Variants in CAMK2D observed in about 807,000 individuals in gnomAD.
CAMK2D encodes the protein calcium/calmodulin-dependent protein kinase type II subunit delta.
In CAMK2D, 37 loss-of-function variants were observed where a neutral mutation model predicts 84.0. The observed-to-expected ratio is 0.44, with a 90% CI of 0.34 to 0.58. CAMK2D has a LOEUF of 0.58. Among genes scored for constraint, CAMK2D ranks in the 20% least tolerant of loss-of-function variants. The pLI, the probability that CAMK2D is intolerant of heterozygous loss-of-function variation, is 0.02. For missense variants in CAMK2D, 448 were observed against 652.5 expected (o/e 0.69, Z 3.41); for synonymous variants, 202 against 212.5 (o/e 0.95, Z 0.43).
intron 2 of CAMK2D, among the ~76,000 whole-genome samples, chr4:113,730,813 C>T (rs2099566154): frequency 6.6e-6 from 1 of 152,190 alleles, no homozygotes; most frequent in African/African-American, 2.4e-5. Context: ...AGAGTGAATA[C>T]CTGACTTGAC....
intron 2 of CAMK2D, among the ~76,000 whole-genome samples, chr4:113,692,348 G>C (rs1224499383): frequency 6.6e-6 from 1 of 152,008 alleles, no homozygotes; most frequent in Non-Finnish European, 1.5e-5. Flanking sequence ...TGAAAATTTT[G>C]AGTAATATTA....
intron 3 of CAMK2D, among the ~76,000 whole-genome samples, chr4:113,622,034 C>T (rs541760531): frequency 8.6e-5 from 13 of 151,946 alleles, no homozygotes; most frequent in Non-Finnish European, 4.4e-5. Context: ...TCTGATTTTT[C>T]TTTTTTTTCA....
At chr4:113,496,817 GCAT>G (rs33988053) in intron 16 of CAMK2D, among the ~76,000 whole-genome samples, 89,934 of 151,618 alleles carry the variant, frequency 0.59, 28,457 homozygotes, top group African/African-American at 0.82. Context: ...TCCTGACATA[GCAT>G]CATCAGAGAT....
At chr4:113,712,273 T>C (rs193073719) in intron 2 of CAMK2D, among the ~76,000 whole-genome samples, 8 of 152,240 alleles carry the variant, frequency 5.3e-5, no homozygotes, top group African/African-American at 1.7e-4. Context: ...CTCAAAAATG[T>C]GTCCAAGAAT....
At chr4:113,670,798 G>A (rs1475388323) in intron 2 of CAMK2D, among the ~76,000 whole-genome samples, 1 of 151,910 alleles carries the variant, frequency 6.6e-6, no homozygotes, top group Non-Finnish European at 1.5e-5. Context: ...CACAGTGGTG[G>A]GCGCCTGTTG....
intron 2 of CAMK2D, among the ~76,000 whole-genome samples, chr4:113,681,950 G>C (rs2099347200): frequency 6.6e-6 from 1 of 151,754 alleles, no homozygotes; most frequent in African/African-American, 2.4e-5. Flanking sequence ...CCAGCACAAA[G>C]TATGTCTGTA....
intron 2 of CAMK2D, among the ~76,000 whole-genome samples, chr4:113,740,986 C>CCTAACT (rs2099591628): frequency 6.6e-6 from 1 of 152,104 alleles, no homozygotes. Flanking sequence ...TCTTGTAACA[C>CCTAACT]CTAACTCTGT....
At chr4:113,494,215 T>C (rs1474217799) in intron 16 of CAMK2D, among the ~76,000 whole-genome samples, 1 of 152,272 alleles carries the variant, frequency 6.6e-6, no homozygotes, top group Admixed American at 6.5e-5. Context: ...GGAGAGGCAC[T>C]CTGCTTTTTA....
chr4:113,586,559 G>T (rs2098835181), intron 4 of CAMK2D, among the ~76,000 whole-genome samples: 1 of 152,188 alleles, frequency 6.6e-6, no homozygotes, highest in Non-Finnish European at 1.5e-5. Context: ...ATCAATCCAT[G>T]TGATTCTAGC....
At chr4:113,757,103 T>G (rs753449524) in intron 2 of CAMK2D, among the ~76,000 whole-genome samples, 11 of 152,124 alleles carry the variant, frequency 7.2e-5, no homozygotes, top group Non-Finnish European at 1.5e-4. Context: ...AAGAACCTGA[T>G]ATCCAGAAAA....
intron 3 of CAMK2D, among the ~76,000 whole-genome samples, chr4:113,644,870 C>T (rs2099145196): frequency 6.6e-6 from 1 of 152,134 alleles, no homozygotes; most frequent in South Asian, 2.1e-4. Context: ...TTCAGCAGAC[C>T]TCCAAGGTCC....
At chr4:113,673,126 G>A (rs537206529) in intron 2 of CAMK2D, among the ~76,000 whole-genome samples, 1 of 152,062 alleles carries the variant, frequency 6.6e-6, no homozygotes, top group Non-Finnish European at 1.5e-5. Flanking sequence ...AGAACATTCT[G>A]TACCACCTCC....
At chr4:113,481,787 G>A (rs1415387674) in intron 16 of CAMK2D, among the ~76,000 whole-genome samples, 2 of 152,176 alleles carry the variant, frequency 1.3e-5, no homozygotes, top group African/African-American at 2.4e-5. Context: ...CTGGAGGGAT[G>A]TAATTTAAAA....
At chr4:113,630,644 T>C (rs894985532) in intron 3 of CAMK2D, among the ~76,000 whole-genome samples, 1 of 152,150 alleles carries the variant, frequency 6.6e-6, no homozygotes, top group Non-Finnish European at 1.5e-5. Flanking sequence ...AATGTCACTT[T>C]CATATCAAAA....
intron 2 of CAMK2D, among the ~76,000 whole-genome samples, chr4:113,756,582 A>T (rs2099629063): frequency 6.6e-6 from 1 of 152,086 alleles, no homozygotes; most frequent in African/African-American, 2.4e-5. Context: ...GATTTGTATC[A>T]TCTTCTCTGA....
intron 4 of CAMK2D, among the ~76,000 whole-genome samples, chr4:113,572,758 T>G (rs1301627424): frequency 6.6e-6 from 1 of 152,042 alleles, no homozygotes; most frequent in Non-Finnish European, 1.5e-5. Context: ...GAACTACCAT[T>G]CGACCCAGCA....
intron 4 of CAMK2D, among the ~76,000 whole-genome samples, chr4:113,559,713 CTG>C (rs1560970687): frequency 2.0e-5 from 3 of 152,210 alleles, no homozygotes; most frequent in Admixed American, 6.5e-5. Flanking sequence ...GAAATCGTTT[CTG>C]TGTATCAGTA....
intron 2 of CAMK2D, among the ~76,000 whole-genome samples, chr4:113,749,457 A>C (rs1265955518): frequency 6.6e-6 from 1 of 152,188 alleles, no homozygotes; most frequent in Non-Finnish European, 1.5e-5. Flanking sequence ...TTACTAAAAA[A>C]AATCAAATAT....
In CAMK2D at chr4:113,703,083, T is replaced by C. The variant is rs79530703; in HGVS notation, c.161-41311A>G. On this transcript the variant is annotated intron_variant, in intron 2 of 20. Coordinates refer to ENST00000511664, the MANE Select transcript of CAMK2D (RefSeq NM_001321571.2). ...CTAAAGAAAATAGGGGAGCATGTTT[T>C]GATAAATGTGAATTTGTTCATTTAA... Among the ~76,000 whole-genome samples, 1,138 of 152,280 alleles carry C rather than the reference T, an allele frequency of 7.5e-3. 15 individuals are homozygous for C. Among genetic ancestry groups the C allele is most frequent in the African/African-American group, 0.026 (1,062 of 41,540 alleles).
Sources: gnomAD v4.1 joint callset for allele counts (sites outside exome capture counted in the v4.1 genomes callset) on GRCh38, gnomAD v4.1.1 for gene constraint, MANE v1.5 for transcripts, NCBI Gene and HGNC (gene_info 2026-07-23, HGNC 2026-07-21) for gene names.